The following OFD1 variants were observed in gnomAD, a reference collection of about 807,000 sequenced individuals.
OFD1 encodes OFD1 centriole and centriolar satellite protein, also known as centriole and centriolar satellite protein OFD1.
In OFD1, 12 loss-of-function variants were observed where a neutral mutation model predicts 81.4. The ratio of observed to expected loss-of-function variants is 0.15; its 90% confidence interval spans 0.09 to 0.24. The LOEUF is 0.24. OFD1 is among the 10% of genes least tolerant of loss of function. The pLI, the probability that OFD1 is intolerant of heterozygous loss-of-function variation, is 1.00. For missense variants in OFD1, 685 were observed against 733.9 expected, an observed-to-expected ratio of 0.93 and a Z score of 0.77; for synonymous variants, 256 against 263.7, an observed-to-expected ratio of 0.97 and a Z score of 0.28.
chrX:13,735,076 T>C lies in OFD1; in HGVS notation c.5T>C (p.Met2Thr). 1 of 1,198,314 alleles carries C rather than the reference T, an allele frequency of 8.3e-7. No individual in the cohort carries two copies. The highest frequency in any genetic ancestry group is 1.1e-6 in the Non-Finnish European group (1 of 891,455). Residue 2 changes from methionine to threonine, a missense_variant, in exon 1 of 23, where the codon ATG becomes ACG. Physicochemically the swap from Met to Thr is moderately conservative, Grantham distance 81 (BLOSUM62 -1). This residue lies in a region of OFD1 where 414 missense variants were observed against 447.2 expected (regional missense o/e 0.93). Coordinates refer to ENST00000340096, the MANE Select transcript of OFD1 (RefSeq NM_003611.3). MMAQSNMFTVAD... is the reference protein window; with the variant it reads MTAQSNMFTVAD... ...TCCGGAGGGAGCTGACGCCTGATGA[T>C]GGCGCAGGTAGACACACCTGCCCCT...
intron 21 of OFD1, among the ~76,000 whole-genome samples, chrX:13,768,486 C>G (rs1482146921): frequency 8.9e-6 from 1 of 111,989 alleles, no homozygotes; most frequent in Non-Finnish European, 1.9e-5. Context: ...AAGAAAAGAT[C>G]TATCAAATGC....
the OFD1 span, chrX:13,715,695 T>G: frequency 1.9e-6 from 1 of 525,148 alleles, no homozygotes; most frequent in Non-Finnish European, 2.4e-6. Context: ...TTCCCTTATA[T>G]AGGCTGCTTT....
chrX:13,758,797 G>T (rs958874458), intron 15 of OFD1, among the ~76,000 whole-genome samples: 3 of 111,512 alleles, frequency 2.7e-5, no homozygotes, highest in African/African-American at 9.8e-5. Flanking sequence ...TTCCTTGATA[G>T]ATATATAAAT....
chrX:13,762,203 T>C lies in OFD1; in HGVS notation c.2388-141T>C, dbSNP rs759472142. ...TGCTGAGAACAATGCCTAGTGGTGG[T>C]GGTGAGGTGGAGCTATTTACAAGAC... On this transcript the variant is annotated intron_variant, in intron 17 of 22. Transcript: ENST00000340096. The C allele has an allele frequency of 5.1e-5, 25 of 487,492 alleles. No homozygotes were observed. In the South Asian group the frequency reaches 7.1e-4, roughly 14 times the overall value. The allele number at this position is 487,492 out of a possible 1,213,427, so 40.2% of individuals were successfully genotyped here. A position where few individuals can be genotyped will look rare whatever the true frequency, so the allele number is the denominator to read the frequency against.
chrX:13,750,893 C>T (rs1293384403), intron 9 of OFD1, among the ~76,000 whole-genome samples: 1 of 112,603 alleles, frequency 8.9e-6, no homozygotes, highest in Non-Finnish European at 1.9e-5. Context: ...CACATAAGTA[C>T]ACTTATTTGT....
Position 13,746,326 on chromosome X carries a change from G to A in OFD1, c.525G>A (p.Lys175=), listed in dbSNP as rs1410113658. 1 of 1,206,053 alleles carries A rather than the reference G, an allele frequency of 8.3e-7. No individual in the cohort carries two copies. Among genetic ancestry groups the A allele is most frequent in the East Asian group, 3.0e-5 (1 of 33,846 alleles). The part of the protein sequence containing the change: ...STFNRDSLAE[K]LQLIDDQFAD... ...TGTGTTATTTTTTAATAGCTGAGAA[G>A]CTTCAGCTTATTGATGATCAGTTTG... The change falls in exon 7 of 23, where the codon AAG becomes AAA. Residue 175 remains lysine (K), a synonymous_variant. Coordinates refer to ENST00000340096, the MANE Select transcript of OFD1 (RefSeq NM_003611.3).
chrX:13,748,873 C>A (rs1250423349), intron 8 of OFD1, among the ~76,000 whole-genome samples: 1 of 111,237 alleles, frequency 9.0e-6, no homozygotes, highest in Non-Finnish European at 1.9e-5. Flanking sequence ...AGTCCCAGCA[C>A]CTTGGGAAGC....
chrX:13,760,267 A>G lies in OFD1; in HGVS notation c.1807A>G (p.Met603Val), dbSNP rs2047876980. Reference sequence around the variant, plus strand: ...TAAACAGGAAAACGTTCTAGCACGTATGGTTGCATCAAGGATCACAAATTA... The same window carrying G: ...TAAACAGGAAAACGTTCTAGCACGTGTGGTTGCATCAAGGATCACAAATTA... ...PFKQENVLAR[M>V]VASRITNYPT... Residue 603 changes from methionine to valine, a missense_variant, in exon 16 of 23, where the codon ATG becomes GTG. Physicochemically the swap from Met to Val is conservative, Grantham distance 21. Coordinates refer to ENST00000340096, the MANE Select transcript of OFD1 (RefSeq NM_003611.3). 1.7e-6 allele frequency: 2 copies of G among 1,211,855 alleles called. No homozygotes were observed. The highest frequency in any genetic ancestry group is 1.7e-5 in the African/African-American group (1 of 57,819).
chrX:13,736,941 C>G (rs1161333921), intron 3 of OFD1, among the ~76,000 whole-genome samples: 2 of 112,498 alleles, frequency 1.8e-5, no homozygotes, highest in Non-Finnish European at 3.8e-5. Context: ...TATAATTGAT[C>G]TATCTATCCT....
At chrX:13,741,346 A>C (rs1165671569) in intron 5 of OFD1, among the ~76,000 whole-genome samples, 3 of 111,463 alleles carry the variant, frequency 2.7e-5, no homozygotes, top group Non-Finnish European at 5.7e-5. Flanking sequence ...GTAAGATAAA[A>C]TTTTTTTAAA....
intron 12 of OFD1, among the ~76,000 whole-genome samples, chrX:13,756,213 C>T (rs980025663): frequency 9.0e-6 from 1 of 111,258 alleles, no homozygotes; most frequent in Non-Finnish European, 1.9e-5. Context: ...CTCAGCCTCC[C>T]AAAGTGCTGC....
upstream of OFD1, chrX:13,734,565 C>A: frequency 2.1e-6 from 1 of 474,936 alleles, no homozygotes; most frequent in Non-Finnish European, 2.8e-6. Context: ...ATGTCAGTTT[C>A]CGCGGAAGAG....
At chrX:13,728,020 G>A in the OFD1 span, among the ~76,000 whole-genome samples, 7 of 111,936 alleles carry the variant, frequency 6.3e-5, no homozygotes, top group Middle Eastern at 4.6e-3. Context: ...TAAATTCCTG[G>A]ACACATACAC....
At chrX:13,768,310 T>C (rs758408582) in intron 21 of OFD1, 86 bp downstream of exon 21, 1 of 729,959 alleles carries the variant, frequency 1.4e-6, no homozygotes, top group East Asian at 3.2e-5. Context: ...GAATCCGTCT[T>C]CTCCATTGAA....
At chrX:13,753,108 A>C in intron 10 of OFD1, 1 of 978,653 alleles carries the variant, frequency 1.0e-6, no homozygotes, top group East Asian at 4.7e-5. Context: ...GCTTTCAGTA[A>C]GTAACCTTAT....
intron 11 of OFD1, among the ~76,000 whole-genome samples, chrX:13,754,085 C>T (rs1364033822): frequency 9.1e-6 from 1 of 110,360 alleles, no homozygotes; most frequent in African/African-American, 3.3e-5. Flanking sequence ...AGGTTCACGC[C>T]ATTCTTCCAC....
At chrX:13,735,949 A>G (rs1247642947) in intron 2 of OFD1, among the ~76,000 whole-genome samples, 1 of 111,932 alleles carries the variant, frequency 8.9e-6, no homozygotes, top group Non-Finnish European at 1.9e-5. Context: ...CTGTGTATGT[A>G]TCCTTTTTTA....
downstream of OFD1, among the ~76,000 whole-genome samples, chrX:13,770,383 A>G (rs1212287301): frequency 8.9e-6 from 1 of 112,402 alleles, no homozygotes; most frequent in African/African-American, 3.2e-5. Flanking sequence ...CCATGTGTCA[A>G]TAGTGACAAA....
At chrX:13,737,640 C>T (rs1385116375) in intron 3 of OFD1, among the ~76,000 whole-genome samples, 1 of 109,949 alleles carries the variant, frequency 9.1e-6, no homozygotes, top group Non-Finnish European at 1.9e-5. Context: ...GCCTGGGTGA[C>T]AGAGCGAGAC....
Sources: gnomAD v4.1 joint callset for allele counts (sites outside exome capture counted in the v4.1 genomes callset) on GRCh38, gnomAD v4.1.1 for gene constraint, gnomAD v4.1.1 regional missense constraint, MANE v1.5 for transcripts, NCBI Gene and HGNC (gene_info 2026-07-23, HGNC 2026-07-21) for gene names.